Variants in EML6 observed in about 807,000 individuals in gnomAD.
The protein encoded by EML6 is echinoderm microtubule-associated protein-like 6.
EML6 carries 154 observed loss-of-function variants against 240.1 expected under a neutral mutation model. The observed-to-expected ratio is 0.64, with a 90% CI of 0.56 to 0.73. The LOEUF (loss-of-function observed/expected upper bound fraction) is 0.73, where lower values mean the gene tolerates loss of function less well. Ranked by LOEUF, EML6 falls within the 30% of genes least tolerant of loss-of-function variation. The pLI, the probability that EML6 is intolerant of heterozygous loss-of-function variation, is 0.00. For synonymous variants in EML6, 1,148 were observed against 899.0 expected, an observed-to-expected ratio of 1.28 and a Z score of -4.95; for missense variants, 2,964 against 2,474.6, an observed-to-expected ratio of 1.20 and a Z score of -4.20.
At chr2:54,802,662 A>ACTACTACTG (rs1199239601) in intron 2 of EML6, among the ~76,000 whole-genome samples, 17 of 145,684 alleles carry the variant, frequency 1.2e-4, no homozygotes, top group South Asian at 2.1e-4. Flanking sequence ...TACTACTACT[A>ACTACTACTG]CTACTGCTAC....
Position 54,804,054 on chromosome 2 carries a change from G to C in EML6, c.198-9178G>C, listed in dbSNP as rs147706259. ...ATTCTACCTTCCAAATCCCTTGATA[G>C]TATAAACTAGCAAATTAAGACTTAC... On this transcript the variant is annotated intron_variant, in intron 2 of 41. Transcript: ENST00000356458. Among the ~76,000 whole-genome samples the C allele has an allele frequency of 4.5e-3, 685 of 152,326 alleles. 7 individuals are homozygous for C. Among genetic ancestry groups the C allele is most frequent in the African/African-American group, 0.014 (586 of 41,562 alleles).
chr2:54,840,408 G>C (rs1187861068), intron 7 of EML6, among the ~76,000 whole-genome samples: 6 of 152,202 alleles, frequency 3.9e-5, no homozygotes, highest in African/African-American at 1.4e-4. Context: ...CAATGTATGT[G>C]TATATAGGTA....
chr2:54,936,275 T>C (rs1354889032), intron 28 of EML6, among the ~76,000 whole-genome samples: 5 of 152,206 alleles, frequency 3.3e-5, no homozygotes, highest in Admixed American at 2.6e-4. Flanking sequence ...TATCTCTAAG[T>C]GTGGGTTATG....
intron 3 of EML6, 120 bp downstream of exon 3, chr2:54,813,511 T>C: frequency 1.2e-6 from 1 of 857,870 alleles, no homozygotes; most frequent in Non-Finnish European, 1.8e-6. Flanking sequence ...TGGCACAGCC[T>C]CCTAGAATTT....
chr2:54,886,057 G>C (rs1170229315), intron 17 of EML6, among the ~76,000 whole-genome samples: 3 of 150,872 alleles, frequency 2.0e-5, no homozygotes, highest in African/African-American at 7.3e-5. Context: ...TGCCAAAGTA[G>C]AGGGAATAGC....
chr2:54,845,180 C>T (rs1366962863), intron 8 of EML6, among the ~76,000 whole-genome samples: 2 of 152,192 alleles, frequency 1.3e-5, no homozygotes, highest in African/African-American at 4.8e-5. Context: ...TCCATCTCTA[C>T]CAAGCACGAA....
chr2:54,726,398 G>T (rs552794030), intron 2 of EML6, among the ~76,000 whole-genome samples: 1 of 152,230 alleles, frequency 6.6e-6, no homozygotes, highest in South Asian at 2.1e-4. Flanking sequence ...TGATTTCAAA[G>T]ATCAGCTTTT....
chr2:54,905,337 C>T (rs1310262878), intron 24 of EML6, among the ~76,000 whole-genome samples: 1 of 141,850 alleles, frequency 7.0e-6, no homozygotes, highest in Non-Finnish European at 1.6e-5. Context: ...CACACACACA[C>T]ACACACACAC....
At chr2:54,824,743 C>G (rs1668506693) in intron 5 of EML6, among the ~76,000 whole-genome samples, 1 of 152,126 alleles carries the variant, frequency 6.6e-6, no homozygotes, top group Non-Finnish European at 1.5e-5. Context: ...TGAGCCGTCT[C>G]TAGTCAGAGA....
chr2:54,806,410 C>T (rs1018037784), intron 2 of EML6, among the ~76,000 whole-genome samples: 11 of 151,814 alleles, frequency 7.2e-5, no homozygotes, highest in Admixed American at 1.3e-4. Flanking sequence ...GTCAGATATT[C>T]GAGACCAGCC....
In EML6 at chr2:54,971,939, A is replaced by AT. The variant is rs1677042503; in HGVS notation, c.*1844_*1845insT. The AT allele has an allele frequency of 6.6e-6, 1 of 152,252 alleles. No homozygotes were observed. The highest frequency in any genetic ancestry group is 1.5e-5 in the Non-Finnish European group (1 of 68,042). 9.4% of individuals were successfully genotyped at this position (152,252 alleles called of 1,614,324 possible). The stretch of plus-strand genomic sequence containing the variant: ...CACTGTATGATATATGTGAGTTAAA[A>AT]CATTGGTGCATGAATTTATTTTCAA... On this transcript the variant is annotated 3_prime_UTR_variant, in exon 42 of 42. Transcript: ENST00000356458.
At chr2:54,896,580 A>G (rs62134775) in intron 21 of EML6, among the ~76,000 whole-genome samples, 13,490 of 152,154 alleles carry the variant, frequency 0.089, 629 homozygotes, top group Middle Eastern at 0.14. Context: ...AGGCATGGTG[A>G]GGGGTGAAGG....
rs550115898 is a variant in EML6 at position 54,951,815 on chromosome 2, A to G, written c.4214-779A>G. Among the ~76,000 whole-genome samples the G allele has an allele frequency of 7.6e-4, 116 of 152,230 alleles. 2 individuals are homozygous for G. Among genetic ancestry groups the G allele is most frequent in the African/African-American group, 2.7e-3 (114 of 41,526 alleles). ...ACTGGGCACATGTTGATTTGTGTGT[A>G]TCTGAGGGGGAGGAGGACCTTGACA... is the stretch of plus-strand genomic sequence containing the variant. On this transcript the variant is annotated intron_variant, in intron 30 of 41. Transcript: ENST00000356458.
intron 2 of EML6, among the ~76,000 whole-genome samples, chr2:54,753,032 G>A (rs1021967020): frequency 6.6e-6 from 1 of 152,082 alleles, no homozygotes; most frequent in African/African-American, 2.4e-5. Flanking sequence ...CACGGTGCCC[G>A]GCTACATTCT....
intron 2 of EML6, among the ~76,000 whole-genome samples, chr2:54,773,086 T>TG (rs1218798469): frequency 6.6e-6 from 1 of 152,228 alleles, no homozygotes; most frequent in East Asian, 1.9e-4. Context: ...AGCCTCTCAG[T>TG]GGCCCCAGAT....
At chr2:54,969,413 A>G (rs1384935004) in intron 41 of EML6, among the ~76,000 whole-genome samples, 2 of 152,072 alleles carry the variant, frequency 1.3e-5, no homozygotes, top group East Asian at 3.9e-4. Flanking sequence ...CCCACTTCCC[A>G]CTCAAAAGCA....
chr2:54,858,464 A>G lies in EML6; in HGVS notation c.1658-1070A>G, dbSNP rs544786431. ...CTTTAAGATCTAAAGAGAGTTGGGA[A>G]GAGCATACCCTGCTCCCCAATTACT... On this transcript the variant is annotated intron_variant, in intron 11 of 41. Coordinates refer to ENST00000356458, the MANE Select transcript of EML6 (RefSeq NM_001039753.4). Among the ~76,000 whole-genome samples the G allele has an allele frequency of 9.2e-5, 14 of 152,368 alleles. No individual in the cohort carries two copies. In the South Asian group the frequency reaches 2.9e-3, roughly 32 times the overall value.
chr2:54,961,009 C>T (rs1410794015), intron 35 of EML6, among the ~76,000 whole-genome samples: 6 of 151,750 alleles, frequency 4.0e-5, no homozygotes, highest in Non-Finnish European at 8.8e-5. Flanking sequence ...AAATATCAGT[C>T]TAAGAATTTG....
chr2:54,841,019 C>T (rs1175938221), intron 7 of EML6, among the ~76,000 whole-genome samples: 2 of 152,160 alleles, frequency 1.3e-5, no homozygotes, highest in Non-Finnish European at 2.9e-5. Flanking sequence ...GAGAAAAACA[C>T]CAGGGAGAAA....
Sources: allele counts gnomAD v4.1 joint callset (sites outside exome capture counted in the v4.1 genomes callset), GRCh38; gene constraint gnomAD v4.1.1; transcripts MANE v1.5; gene names NCBI Gene and HGNC (gene_info 2026-07-23, HGNC 2026-07-21).